The following ATP2C1 variants were observed in gnomAD, a reference collection of about 807,000 sequenced individuals.
The protein encoded by ATP2C1 is ATPase secretory pathway Ca2+ transporting 1.
In ATP2C1, 31 loss-of-function variants were observed where a neutral mutation model predicts 120.5. The observed-to-expected ratio is 0.26, with a 90% CI of 0.19 to 0.35. The LOEUF (loss-of-function observed/expected upper bound fraction) is 0.35, where lower values mean the gene tolerates loss of function less well. ATP2C1 is among the 10% of genes least tolerant of loss of function. ATP2C1 has a pLI of 1.00. For synonymous variants in ATP2C1, 351 were observed against 358.7 expected, an observed-to-expected ratio of 0.98 and a Z score of 0.24; for missense variants, 731 against 1,107.5, an observed-to-expected ratio of 0.66 and a Z score of 4.83.
At chr3:130,922,040 A>G (rs1412360867) in intron 2 of ATP2C1, among the ~76,000 whole-genome samples, 5 of 152,124 alleles carry the variant, frequency 3.3e-5, no homozygotes, top group Admixed American at 1.3e-4. Flanking sequence ...GGTAGTACCA[A>G]ATTTCTTTGA....
In ATP2C1 at chr3:130,894,605, G is replaced by T. The variant is rs2069415541; in HGVS notation, c.-165G>T. ...TCTCTTGCAGATGCTGCTGCTAGGG[G>T]TGGTGGGAGCAGCCGTGGGACGCGT... On this transcript the variant is annotated 5_prime_UTR_variant, in exon 2 of 28. Coordinates refer to ENST00000510168, the MANE Select transcript of ATP2C1 (RefSeq NM_001378687.1). This position sits in a 1 kb window ranked among gnomAD's most constrained non-coding sequence, Gnocchi z 4.5. 3.2e-6 allele frequency: 5 copies of T among 1,557,076 alleles called. No homozygotes were observed. The highest frequency in any genetic ancestry group is 4.3e-6 in the Non-Finnish European group (5 of 1,149,972).
intron 26 of ATP2C1, chr3:131,013,952 T>TAACA (rs929741277): frequency 8.0e-6 from 6 of 750,764 alleles, no homozygotes; most frequent in African/African-American, 5.4e-5. Context: ...GTTTATCCCC[T>TAACA]AACAGGTCAG....
intron 17 of ATP2C1, among the ~76,000 whole-genome samples, chr3:130,974,098 T>C (rs56192017): frequency 0.029 from 4,377 of 152,284 alleles, 200 homozygotes; most frequent in African/African-American, 0.095. Flanking sequence ...TATCTGCTTC[T>C]TTGTTGTTGT....
At position 130,997,669 on chromosome 3, in the gene ATP2C1, C is replaced by G. The variant is rs2062693521; in HGVS notation, c.2307C>G (p.Ser769Arg). Residue 769 changes from serine to arginine, a missense_variant, in exon 25 of 28, where the codon AGC becomes AGG. Coordinates refer to ENST00000510168, the MANE Select transcript of ATP2C1 (RefSeq NM_001378687.1). ...AACCTCCTCGCAACTGGAAAGACAG[C>G]ATTTTGACTAAAAACTTGATACTTA... ...IRKPPRNWKD[S>R]ILTKNLILKI... The G allele has an allele frequency of 6.2e-7, 1 of 1,613,628 alleles. No individual in the cohort carries two copies. Among genetic ancestry groups the G allele is most frequent in the Non-Finnish European group, 8.5e-7 (1 of 1,179,652 alleles).
chr3:130,997,227 A>G (rs1283177584), intron 24 of ATP2C1, among the ~76,000 whole-genome samples: 1 of 152,150 alleles, frequency 6.6e-6, no homozygotes, highest in Non-Finnish European at 1.5e-5. Flanking sequence ...TAGTTGAGTG[A>G]TAGATGTCAT....
At chr3:130,870,073 T>G (rs2068380759) in intron 1 of ATP2C1, among the ~76,000 whole-genome samples, 1 of 152,232 alleles carries the variant, frequency 6.6e-6, no homozygotes, top group African/African-American at 2.4e-5. Flanking sequence ...TAAATCTACT[T>G]TGCTTGTGCT....
chr3:130,989,363 G>A (rs934748853), intron 20 of ATP2C1, among the ~76,000 whole-genome samples: 19 of 151,368 alleles, frequency 1.3e-4, no homozygotes, highest in Non-Finnish European at 2.2e-4. Context: ...TTGGGAGTTC[G>A]GGACCAGCCT....
In ATP2C1 at chr3:130,967,396, G is replaced by T. The variant is rs749578706; in HGVS notation, c.1285G>T (p.Ala429Ser). ...TCTAATGGGGAAGCCAACAGAAGGG[G>T]CCTTAATTGCTCTTGCAATGAAGGT... is the stretch of plus-strand genomic sequence containing the variant. ...NTLMGKPTEGALIALAMKMGL... is the reference protein window; with the variant it reads ...NTLMGKPTEGSLIALAMKMGL... The change falls in exon 16 of 28, where the codon GCC becomes TCC. Residue 429 changes from alanine to serine, a missense_variant. Physicochemically the swap from Ala to Ser is moderately conservative, Grantham distance 99. Transcript: ENST00000510168. 1 of 1,613,634 alleles carries T rather than the reference G, an allele frequency of 6.2e-7. No individual in the cohort carries two copies. The highest frequency in any genetic ancestry group is 8.5e-7 in the Non-Finnish European group (1 of 1,179,696).
chr3:130,991,741 A>G (rs2062360619), intron 20 of ATP2C1, among the ~76,000 whole-genome samples: 1 of 152,182 alleles, frequency 6.6e-6, no homozygotes, highest in African/African-American at 2.4e-5. Flanking sequence ...ATAGGTAAGA[A>G]GGTAGAATCT....
intron 2 of ATP2C1, among the ~76,000 whole-genome samples, chr3:130,907,730 C>CT (rs201616375): frequency 0.13 from 16,480 of 126,438 alleles, 1,016 homozygotes; most frequent in Middle Eastern, 0.24. Flanking sequence ...GTCTGCCTTT[C>CT]TTTTTTTTTT....
chr3:130,946,610 A>G (rs560291028), intron 8 of ATP2C1, among the ~76,000 whole-genome samples: 2 of 152,254 alleles, frequency 1.3e-5, no homozygotes, highest in Admixed American at 1.3e-4. Flanking sequence ...CGTTGGGTAA[A>G]TCCATTACTG....
intron 3 of ATP2C1, among the ~76,000 whole-genome samples, chr3:130,930,761 CTTTAA>C (rs982016901): frequency 2.0e-5 from 3 of 151,992 alleles, no homozygotes; most frequent in Admixed American, 6.6e-5. Context: ...GAGAAACTGA[CTTTAA>C]TTTAATTTAA....
chr3:130,870,453 CA>C (rs1318452779), intron 1 of ATP2C1, among the ~76,000 whole-genome samples: 2 of 152,160 alleles, frequency 1.3e-5, no homozygotes, highest in Admixed American at 1.3e-4. Context: ...TCACTAAAAA[CA>C]TTTGTGATTC....
chr3:130,930,286 A>G (rs972808110), intron 2 of ATP2C1, 130 bp from the exon 3 acceptor site: 4 of 705,808 alleles, frequency 5.7e-6, no homozygotes, highest in Admixed American at 4.0e-5. Flanking sequence ...AGGACTAGCT[A>G]CGTAATTAGT....
At chr3:130,918,884 C>T (rs1292638667) in intron 2 of ATP2C1, 4 of 316,006 alleles carry the variant, frequency 1.3e-5, no homozygotes, top group Admixed American at 4.3e-5. Flanking sequence ...CCCAGCTACT[C>T]GGGAGGCTGA....
At chr3:130,984,183 T>C (rs2061895434) in intron 20 of ATP2C1, among the ~76,000 whole-genome samples, 1 of 152,182 alleles carries the variant, frequency 6.6e-6, no homozygotes, top group Non-Finnish European at 1.5e-5. Context: ...GCATTGGAAC[T>C]GGAATCCAGG....
chr3:131,012,960 G>A (rs145401172), intron 26 of ATP2C1, among the ~76,000 whole-genome samples: 5 of 152,232 alleles, frequency 3.3e-5, no homozygotes, highest in African/African-American at 1.2e-4. Flanking sequence ...CTGTACATAG[G>A]CCTGCTCAAA....
intron 20 of ATP2C1, among the ~76,000 whole-genome samples, chr3:130,991,633 A>C (rs2062352508): frequency 6.6e-6 from 1 of 152,206 alleles, no homozygotes; most frequent in Non-Finnish European, 1.5e-5. Context: ...TTTTATATGG[A>C]AGGGACAACA....
At chr3:130,950,701 T>G (rs1376674439) in intron 8 of ATP2C1, among the ~76,000 whole-genome samples, 2 of 152,254 alleles carry the variant, frequency 1.3e-5, no homozygotes, top group South Asian at 2.1e-4. Context: ...GTTGCAAATT[T>G]ATAATGATAT....
Sources: allele counts gnomAD v4.1 joint callset (sites outside exome capture counted in the v4.1 genomes callset), GRCh38; gene constraint gnomAD v4.1.1; non-coding constraint Gnocchi (gnomAD v3.1); transcripts MANE v1.5; gene names NCBI Gene and HGNC (gene_info 2026-07-23, HGNC 2026-07-21).